The following SENP7 variants were observed in gnomAD, a reference collection of about 807,000 sequenced individuals.
The protein encoded by SENP7 is sentrin-specific protease 7.
SENP7 carries 64 observed loss-of-function variants against 141.2 expected under a neutral mutation model. The observed-to-expected ratio is 0.45, with a 90% CI of 0.37 to 0.56. SENP7 has a LOEUF of 0.56. Among genes scored for constraint, SENP7 ranks in the 20% least tolerant of loss-of-function variants. The pLI is 0.00. For synonymous variants in SENP7, 382 were observed against 426.4 expected (o/e 0.90, Z 1.28); for missense variants, 1,025 against 1,212.2 (o/e 0.85, Z 2.29).
Position 101,493,961 on chromosome 3 carries a change from T to C in SENP7, c.98A>G (p.Lys33Arg), listed in dbSNP as rs939873435. 6.3e-7 allele frequency: 1 copy of C among 1,598,366 alleles called. No homozygotes were observed. Residue 33 changes from lysine (K) to arginine (R), a missense_variant, in exon 3 of 24, where the codon AAG (lysine) becomes AGG (arginine). Physicochemically the swap from Lys to Arg is conservative, Grantham distance 26. This residue lies in a region of SENP7 where 496 missense variants were observed against 503.5 expected (regional missense o/e 0.99). Transcript: ENST00000394095. ...KSSSDLSEIR[K>R]MLNAKPEDVH... ...ATCCTCTGGTTTTGCATTTAACATC[T>C]TTCTTATCTGAAAATAGGATGAGAA... is the stretch of plus-strand genomic sequence containing the variant.
intron 1 of SENP7, among the ~76,000 whole-genome samples, chr3:101,508,582 G>C (rs1347059633): frequency 6.6e-6 from 1 of 151,642 alleles, no homozygotes; most frequent in East Asian, 1.9e-4. Context: ...CTGGGGGGCA[G>C]AGTGAGACCC....
intron 19 of SENP7, 47 bp from the exon 20 acceptor site, chr3:101,330,433 T>C (rs2059018677): frequency 7.7e-7 from 1 of 1,298,234 alleles, no homozygotes; most frequent in African/African-American, 1.5e-5. Context: ...TGCATGTTTT[T>C]ATACAGGTAA....
In SENP7 at chr3:101,347,953, C is replaced by T. The variant is rs2059511845; in HGVS notation, c.1756G>A (p.Ala586Thr). ...GAAGAGACCCAGAAGAAAAGAATAG[C>T]ATGACTCCTTTTACTGTGATTATCA... The part of the protein sequence containing the change: ...KDDNHSKRSH[A>T]ILFFWVSSDY... Residue 586 changes from alanine to threonine, a missense_variant, in exon 13 of 24, where the codon GCT (alanine) becomes ACT (threonine). Coordinates refer to ENST00000394095, the MANE Select transcript of SENP7 (RefSeq NM_020654.5). The T allele has an allele frequency of 6.2e-7, 1 of 1,609,810 alleles. No homozygotes were observed. Among genetic ancestry groups the T allele is most frequent in the Non-Finnish European group, 8.5e-7 (1 of 1,176,862 alleles).
At chr3:101,473,368 C>T (rs533629108) in intron 3 of SENP7, among the ~76,000 whole-genome samples, 4 of 152,270 alleles carry the variant, frequency 2.6e-5, no homozygotes, top group Non-Finnish European at 4.4e-5. Context: ...ATAACCATTC[C>T]TTTTTCTCCA....
chr3:101,366,302 A>G (rs763774599), intron 9 of SENP7, 128 bp downstream of exon 9: 11 of 573,238 alleles, frequency 1.9e-5, no homozygotes, highest in Non-Finnish European at 2.9e-5. Flanking sequence ...TTTTTCCTAA[A>G]GTTAATATAT....
At chr3:101,389,436 A>G (rs1450107005) in intron 6 of SENP7, among the ~76,000 whole-genome samples, 1 of 152,210 alleles carries the variant, frequency 6.6e-6, no homozygotes, top group Non-Finnish European at 1.5e-5. Flanking sequence ...GAGAATCTCC[A>G]TCAAACAAAC....
At chr3:101,347,690 C>G (rs1369373946) in intron 13 of SENP7, 182 bp downstream of exon 13, 3 of 350,508 alleles carry the variant, frequency 8.6e-6, no homozygotes, top group African/African-American at 2.2e-5. Context: ...CCACTGCACT[C>G]CAGCCTGGGT....
chr3:101,379,186 A>G (rs2060426332), intron 6 of SENP7, among the ~76,000 whole-genome samples: 1 of 152,192 alleles, frequency 6.6e-6, no homozygotes, highest in Admixed American at 6.5e-5. Context: ...GCCACATGCA[A>G]AACAATGAAT....
At chr3:101,362,003 T>C (rs2107351934) in intron 10 of SENP7, 142 bp from the exon 11 acceptor site, 4 of 902,774 alleles carry the variant, frequency 4.4e-6, no homozygotes, top group African/African-American at 1.8e-5. Flanking sequence ...TGTGAAGAAA[T>C]AGCTATCTAG....
intron 4 of SENP7, among the ~76,000 whole-genome samples, chr3:101,418,429 A>G (rs1050504552): frequency 2.0e-5 from 3 of 152,152 alleles, no homozygotes; most frequent in Non-Finnish European, 4.4e-5. Context: ...TATTTGAATA[A>G]CTATGTTTAG....
chr3:101,467,075 T>A (rs2063784975), intron 3 of SENP7, among the ~76,000 whole-genome samples: 1 of 152,202 alleles, frequency 6.6e-6, no homozygotes, highest in Non-Finnish European at 1.5e-5. Context: ...AAAGCCTTGC[T>A]CACTGCTAGC....
Position 101,430,288 on chromosome 3 carries a change from T to A in SENP7, c.285-12498A>T, listed in dbSNP as rs181501613. Among the ~76,000 whole-genome samples the A allele has an allele frequency of 3.3e-5, 5 of 152,350 alleles. No homozygotes were observed. The East Asian group carries it at 9.6e-4, about 29-fold the overall frequency. Reference sequence around the variant, plus strand: ...TACCAGCTCTTCTTTGTATTTCTGATAGAATTCAGCTGTGAATCCATCTGG... The same window carrying A: ...TACCAGCTCTTCTTTGTATTTCTGAAAGAATTCAGCTGTGAATCCATCTGG... On this transcript the variant is annotated intron_variant, in intron 4 of 23. Transcript: ENST00000394095.
intron 3 of SENP7, among the ~76,000 whole-genome samples, chr3:101,471,681 A>G (rs2064001029): frequency 6.6e-6 from 1 of 152,236 alleles, no homozygotes; most frequent in African/African-American, 2.4e-5. Flanking sequence ...GAGCCTCTGC[A>G]TGGCAAAAGA....
intron 3 of SENP7, among the ~76,000 whole-genome samples, chr3:101,489,801 A>G (rs1259702395): frequency 6.6e-6 from 1 of 152,232 alleles, no homozygotes; most frequent in Non-Finnish European, 1.5e-5. Context: ...GAAGTGATTA[A>G]CTGGACCTAA....
At chr3:101,344,991 CAAAAAAAAAAAAAA>C (rs71132568) in intron 13 of SENP7, among the ~76,000 whole-genome samples, 2 of 61,340 alleles carry the variant, frequency 3.3e-5, no homozygotes, top group Non-Finnish European at 2.8e-5. Context: ...AAAAAGAAAG[CAAAAAAAAAAAAAA>C]AAAAAAAAAA....
chr3:101,444,172 C>T (rs2062793088), intron 4 of SENP7, among the ~76,000 whole-genome samples: 1 of 129,358 alleles, frequency 7.7e-6, no homozygotes, highest in Non-Finnish European at 1.7e-5. Context: ...CAGAGAAATG[C>T]AAATCAAAAC....
chr3:101,460,500 G>T (rs1392900266), intron 3 of SENP7, among the ~76,000 whole-genome samples: 4 of 152,076 alleles, frequency 2.6e-5, no homozygotes, highest in Non-Finnish European at 5.9e-5. Flanking sequence ...ACATGCAAAA[G>T]CAGGAACTTG....
At chr3:101,464,420 TC>T in intron 3 of SENP7, among the ~76,000 whole-genome samples, 1 of 152,138 alleles carries the variant, frequency 6.6e-6, no homozygotes, top group African/African-American at 2.4e-5. Context: ...TTACAGCCAC[TC>T]CCCATTACTC....
At chr3:101,489,461 G>A (rs2064869902) in intron 3 of SENP7, among the ~76,000 whole-genome samples, 1 of 127,164 alleles carries the variant, frequency 7.9e-6, no homozygotes, top group Non-Finnish European at 1.8e-5. Flanking sequence ...AAGGGAAAGA[G>A]ACAGATCTAC....
Sources: allele counts gnomAD v4.1 joint callset (sites outside exome capture counted in the v4.1 genomes callset), GRCh38; gene constraint gnomAD v4.1.1; regional missense constraint gnomAD v4.1.1; transcripts MANE v1.5; gene names NCBI Gene and HGNC (gene_info 2026-07-23, HGNC 2026-07-21).